THOC2: variants seen among roughly 807,000 people sequenced by gnomAD.
THOC2 encodes the protein THO complex 2.
In THOC2, 10 loss-of-function variants were observed where a neutral mutation model predicts 128.4. The ratio of observed to expected loss-of-function variants is 0.08; its 90% CI spans 0.05 to 0.13. THOC2 has a LOEUF of 0.13. Among genes scored for constraint, THOC2 ranks in the 10% least tolerant of loss-of-function variants. The pLI is 1.00. For synonymous variants in THOC2, 393 were observed against 396.9 expected (o/e 0.99, Z 0.12); for missense variants, 535 against 1,155.7 (o/e 0.46, Z 7.79).
chrX:123,626,739 G>A, intron 23 of THOC2, 77 bp from the exon 24 acceptor site: 1 of 938,327 alleles, frequency 1.1e-6, no homozygotes, highest in Admixed American at 3.3e-5. Flanking sequence ...AGTTTAAAGA[G>A]ATAAAGGCTG....
At chrX:123,646,803 G>A (rs906885717) in intron 12 of THOC2, among the ~76,000 whole-genome samples, 1 of 111,506 alleles carries the variant, frequency 9.0e-6, no homozygotes, top group African/African-American at 3.3e-5. Context: ...GTTTGGTTTC[G>A]GGGTGGTAAG....
At chrX:123,714,643 T>C (rs1197703167) in intron 1 of THOC2, among the ~76,000 whole-genome samples, 6 of 111,985 alleles carry the variant, frequency 5.4e-5, no homozygotes, top group Non-Finnish European at 1.1e-4. Flanking sequence ...GACATATCCA[T>C]AACATGCCAC....
At chrX:123,667,754 T>C (rs1320670379) in intron 10 of THOC2, among the ~76,000 whole-genome samples, 2 of 108,582 alleles carry the variant, frequency 1.8e-5, no homozygotes, top group African/African-American at 6.7e-5. Context: ...TAATAATAAA[T>C]TTATTAAAAA....
chrX:123,683,514 C>G (rs1318963020), intron 8 of THOC2, among the ~76,000 whole-genome samples: 2 of 110,990 alleles, frequency 1.8e-5, no homozygotes. Flanking sequence ...ACTTTACCTT[C>G]AAGGCCAAAA....
intron 32 of THOC2, 26 bp downstream of exon 32, chrX:123,620,881 C>T (rs770412472): frequency 6.7e-6 from 8 of 1,199,854 alleles, no homozygotes; most frequent in South Asian, 1.8e-5. Context: ...CTAACATGGA[C>T]GCTGCCTTCC....
At chrX:123,707,681 T>A (rs1049765189) in intron 2 of THOC2, among the ~76,000 whole-genome samples, 1 of 110,816 alleles carries the variant, frequency 9.0e-6, no homozygotes, top group African/African-American at 3.3e-5. Context: ...AAGTCCCATA[T>A]ACTGAAAACT....
Position 123,624,685 on chromosome X carries a change from G to T in THOC2, c.3058-16C>A. Reference sequence around the variant, plus strand: ...CAGAGAAAACCTACAGGAGAAAAATGTTTAAAAAATATAAACAAATCAAGG... The same window carrying T: ...CAGAGAAAACCTACAGGAGAAAAATTTTTAAAAAATATAAACAAATCAAGG... On this transcript the variant is annotated splice_polypyrimidine_tract_variant and intron_variant, in intron 25 of 38. Transcript: ENST00000245838. 1 of 1,187,520 alleles carries T rather than the reference G, an allele frequency of 8.4e-7. No individual in the cohort carries two copies. Among genetic ancestry groups the T allele is most frequent in the South Asian group, 1.8e-5 (1 of 54,274 alleles).
intron 7 of THOC2, among the ~76,000 whole-genome samples, chrX:123,693,270 C>T (rs972962498): frequency 4.5e-5 from 5 of 111,703 alleles, no homozygotes; most frequent in African/African-American, 1.6e-4. Context: ...ACCAGCCCAG[C>T]CAACTTGGTG....
At chrX:123,617,492 T>C (rs2046940118) in intron 33 of THOC2, among the ~76,000 whole-genome samples, 1 of 111,227 alleles carries the variant, frequency 9.0e-6, no homozygotes, top group African/African-American at 3.2e-5. Context: ...CTCTCAACTA[T>C]TGTTGAAATG....
intron 12 of THOC2, among the ~76,000 whole-genome samples, chrX:123,649,028 T>C (rs753091453): frequency 8.9e-6 from 1 of 112,119 alleles, no homozygotes; most frequent in African/African-American, 3.2e-5. Context: ...TGAGAGACAC[T>C]TCCCAGCAGG....
At chrX:123,604,678 C>A (rs1324392055) in intron 38 of THOC2, among the ~76,000 whole-genome samples, 1 of 111,608 alleles carries the variant, frequency 9.0e-6, no homozygotes, top group East Asian at 2.8e-4. Context: ...ATCAAATTCA[C>A]CAAAAAGGTC....
chrX:123,728,134 CTA>C (rs908137056), intron 1 of THOC2, among the ~76,000 whole-genome samples: 22 of 111,309 alleles, frequency 2.0e-4, no homozygotes, highest in African/African-American at 6.8e-4. Context: ...AGTGCTACCT[CTA>C]TTATCATTTG....
chrX:123,601,808 T>A (rs757715748), intron 38 of THOC2: 1 of 111,409 alleles, frequency 9.0e-6, no homozygotes, highest in South Asian at 3.8e-4. Context: ...GCTTATTAAA[T>A]AGAAAATGTA....
chrX:123,707,453 G>A (rs145429597), intron 2 of THOC2, among the ~76,000 whole-genome samples: 26 of 111,758 alleles, frequency 2.3e-4, no homozygotes, highest in African/African-American at 8.4e-4. Context: ...CCATACCCTA[G>A]TGTGAGAGAA....
intron 38 of THOC2, among the ~76,000 whole-genome samples, chrX:123,610,590 C>A (rs1261132942): frequency 9.0e-6 from 1 of 111,428 alleles, no homozygotes; most frequent in Non-Finnish European, 1.9e-5. Context: ...GATACCACTA[C>A]CACCATTTAC....
At chrX:123,643,560 T>G (rs772639769) in intron 15 of THOC2, among the ~76,000 whole-genome samples, 7 of 111,018 alleles carry the variant, frequency 6.3e-5, no homozygotes, top group Non-Finnish European at 9.4e-5. Context: ...AAACTGTACC[T>G]GGAGAACTCT....
intron 20 of THOC2, among the ~76,000 whole-genome samples, chrX:123,633,421 G>C (rs917945482): frequency 1.1e-4 from 12 of 111,175 alleles, no homozygotes; most frequent in Admixed American, 1.9e-4. Context: ...TTTATTTTTT[G>C]AGACAGCATC....
At chrX:123,624,850 G>A (rs748139825) in intron 25 of THOC2, among the ~76,000 whole-genome samples, 181 bp from the exon 26 acceptor site, 3 of 110,491 alleles carry the variant, frequency 2.7e-5, no homozygotes, top group African/African-American at 9.9e-5. Flanking sequence ...GGGAAATAAT[G>A]CATTCATAAA....
chrX:123,605,101 T>G (rs1235936225), intron 38 of THOC2, among the ~76,000 whole-genome samples: 2 of 112,020 alleles, frequency 1.8e-5, no homozygotes, highest in Non-Finnish European at 3.8e-5. Flanking sequence ...TCCTGAGATG[T>G]TCCACGTGGA....
Sources: allele counts gnomAD v4.1 joint callset (sites outside exome capture counted in the v4.1 genomes callset), GRCh38; gene constraint gnomAD v4.1.1; transcripts MANE v1.5; gene names NCBI Gene and HGNC (gene_info 2026-07-23, HGNC 2026-07-21).